The following ABI3BP variants were observed in gnomAD, a reference collection of about 807,000 sequenced individuals.
ABI3BP encodes the protein ABI family member 3 binding protein.
In ABI3BP, 216 loss-of-function variants were observed where a neutral mutation model predicts 268.6. The ratio of observed to expected loss-of-function variants is 0.80; its 90% confidence interval spans 0.72 to 0.90. The LOEUF is 0.90. Among genes scored for constraint, ABI3BP ranks in the 40% least tolerant of loss-of-function variants. The pLI is 0.00. For missense variants in ABI3BP, 2,090 were observed against 2,182.4 expected (o/e 0.96, Z 0.84); for synonymous variants, 730 against 730.0 (o/e 1.00, Z 0.00).
Position 100,789,469 on chromosome 3 carries a change from G to A in ABI3BP, c.4072C>T (p.Pro1358Ser). 1 of 1,601,406 alleles carries A rather than the reference G, an allele frequency of 6.2e-7. No homozygotes were observed. The highest frequency in any genetic ancestry group is 1.1e-5 in the South Asian group (1 of 88,602). ...AACAACTTACCAGGTCTGATGTGTGGCTTGTCAGATGTTCTGGGCCTCACA... is the reference window on the plus strand; with the variant it reads ...AACAACTTACCAGGTCTGATGTGTGACTTGTCAGATGTTCTGGGCCTCACA... Reference protein sequence around the residue: ...TTVRPRTSDKPHIRPVLNRTT... With the variant: ...TTVRPRTSDKSHIRPVLNRTT... Residue 1358 changes from proline to serine, a missense_variant, in exon 56 of 68, where the codon CCA (proline) becomes TCA (serine). Pro to Ser is a moderately conservative substitution (Grantham distance 74). Transcript: ENST00000471714.
rs748828528 is a variant in ABI3BP at position 100,804,800 on chromosome 3, G to T, written c.3749C>A (p.Thr1250Asn). 28 of 1,612,696 alleles carry T rather than the reference G, an allele frequency of 1.7e-5. No homozygotes were observed. The highest frequency in any genetic ancestry group is 2.7e-5 in the African/African-American group (2 of 74,864). The change falls in exon 51 of 68, where the codon ACC (threonine) becomes AAC (asparagine). Residue 1250 changes from threonine to asparagine, a missense_variant. Physicochemically the swap from Thr to Asn is moderately conservative, Grantham distance 65. Transcript: ENST00000471714. ...KTSPSPEVSY[T>N]TPAPKDVLLP... ...TGAAATAAAGCATTTACCAGGTGTG[G>T]TGTATGACACTTCTGGACTTGGTGA...
At chr3:100,796,602 G>T in intron 51 of ABI3BP, 134 bp from the exon 52 acceptor site, 2 of 556,380 alleles carry the variant, frequency 3.6e-6, no homozygotes, top group Non-Finnish European at 6.0e-6. Flanking sequence ...GACCAAAGTT[G>T]AGAAGATGCC....
At chr3:100,907,822 A>T (rs112522397) in intron 2 of ABI3BP, among the ~76,000 whole-genome samples, 11 of 152,304 alleles carry the variant, frequency 7.2e-5, no homozygotes, top group African/African-American at 2.6e-4. Context: ...TGTAACATAA[A>T]GGGAAAGAAA....
chr3:100,885,931 A>G (rs1378782562), intron 5 of ABI3BP, among the ~76,000 whole-genome samples: 1 of 152,032 alleles, frequency 6.6e-6, no homozygotes, highest in Non-Finnish European at 1.5e-5. Context: ...GGAGGCATCA[A>G]ATATTTATTA....
intron 9 of ABI3BP, among the ~76,000 whole-genome samples, chr3:100,869,185 T>C (rs1179467597): frequency 1.3e-5 from 2 of 152,036 alleles, no homozygotes; most frequent in Non-Finnish European, 2.9e-5. Flanking sequence ...TCAAAACATG[T>C]TCTTAGCTGG....
At position 100,841,998 on chromosome 3, in the gene ABI3BP, C is replaced by G. The variant is rs1408885321; in HGVS notation, c.1765G>C (p.Gly589Arg). The G allele has an allele frequency of 6.5e-7, 1 of 1,532,094 alleles. No individual in the cohort carries two copies. The highest frequency in any genetic ancestry group is 8.7e-7 in the Non-Finnish European group (1 of 1,143,708). 94.9% of individuals were successfully genotyped at this position (1,532,094 alleles called of 1,614,324 possible). A position where few individuals can be genotyped will look rare whatever the true frequency, so the allele number is the denominator to read the frequency against. ...QTLLPSQSTI[G>R]PETPGTKPST... The stretch of plus-strand genomic sequence containing the variant: ...CACTCATTAAAAAAAGCTTTATTAC[C>G]TATTGTTGACTGTGATGGCAGTAGA... Residue 589 changes from glycine (G) to arginine (R), a missense_variant and splice_region_variant, in exon 21 of 68, where the codon GGA becomes CGA. Coordinates refer to ENST00000471714, the MANE Select transcript of ABI3BP (RefSeq NM_001375547.2).
intron 4 of ABI3BP, among the ~76,000 whole-genome samples, chr3:100,895,976 G>A (rs1298425763): frequency 6.6e-6 from 1 of 152,058 alleles, no homozygotes; most frequent in African/African-American, 2.4e-5. Flanking sequence ...TGCTAATTAG[G>A]GAGAAAGGAA....
chr3:100,889,522 G>A (rs898264300), intron 4 of ABI3BP, among the ~76,000 whole-genome samples: 14 of 152,070 alleles, frequency 9.2e-5, no homozygotes, highest in African/African-American at 3.1e-4. Context: ...CTTGTCAAAC[G>A]TTAGTTGACC....
intron 51 of ABI3BP, among the ~76,000 whole-genome samples, chr3:100,801,899 T>C (rs2097546821): frequency 6.6e-6 from 1 of 152,198 alleles, no homozygotes; most frequent in Non-Finnish European, 1.5e-5. Context: ...TGTTAACTAT[T>C]GTTATCTTGG....
intron 1 of ABI3BP, among the ~76,000 whole-genome samples, chr3:100,937,366 T>G (rs576921140): frequency 7.1e-4 from 108 of 152,088 alleles, no homozygotes; most frequent in African/African-American, 2.5e-3. Flanking sequence ...TGCAAAAACT[T>G]GTGTGCAAAT....
chr3:100,814,328 T>C (rs963116940), intron 44 of ABI3BP, among the ~76,000 whole-genome samples: 1 of 152,118 alleles, frequency 6.6e-6, no homozygotes, highest in African/African-American at 2.4e-5. Flanking sequence ...ACAGTAATAT[T>C]AACAAAATGT....
At chr3:100,820,870 T>C (rs1248517790) in intron 39 of ABI3BP, among the ~76,000 whole-genome samples, 184 bp downstream of exon 39, 1 of 152,218 alleles carries the variant, frequency 6.6e-6, no homozygotes, top group African/African-American at 2.4e-5. Flanking sequence ...GCATGGCTCT[T>C]TTAAAAACAA....
chr3:100,777,778 A>G (rs879700189), intron 59 of ABI3BP, among the ~76,000 whole-genome samples: 22 of 152,304 alleles, frequency 1.4e-4, no homozygotes, highest in African/African-American at 4.8e-4. Context: ...ATACTCCTGT[A>G]CTGTTGCACA....
chr3:100,828,677 CGG>C (rs370944922), intron 33 of ABI3BP, among the ~76,000 whole-genome samples: 1 of 152,162 alleles, frequency 6.6e-6, no homozygotes, highest in African/African-American at 2.4e-5. Flanking sequence ...ATTCAGATAA[CGG>C]TCCATGTGAA....
chr3:100,948,759 C>A (rs2073657736), intron 1 of ABI3BP, among the ~76,000 whole-genome samples: 1 of 152,074 alleles, frequency 6.6e-6, no homozygotes, highest in Admixed American at 6.5e-5. Context: ...ATGTTTGGGA[C>A]CAGACATTTT....
intron 19 of ABI3BP, 72 bp from the exon 20 acceptor site, chr3:100,846,518 G>A: frequency 3.8e-6 from 4 of 1,065,090 alleles, no homozygotes; most frequent in South Asian, 1.5e-5. Flanking sequence ...AACACAGAAG[G>A]AAAACCTAGA....
At chr3:100,894,735 C>G (rs933841113) in intron 4 of ABI3BP, among the ~76,000 whole-genome samples, 1 of 151,710 alleles carries the variant, frequency 6.6e-6, no homozygotes, top group Non-Finnish European at 1.5e-5. Context: ...GTCAGGAGAT[C>G]AAGAACATCC....
intron 2 of ABI3BP, among the ~76,000 whole-genome samples, chr3:100,921,445 C>A (rs1409566365): frequency 6.6e-6 from 1 of 151,712 alleles, no homozygotes; most frequent in Non-Finnish European, 1.5e-5. Context: ...AAATTACTAG[C>A]AGCTGACCAT....
At chr3:100,892,295 T>TCA (rs1018686111) in intron 4 of ABI3BP, among the ~76,000 whole-genome samples, 20 of 151,950 alleles carry the variant, frequency 1.3e-4, no homozygotes, top group East Asian at 1.9e-4. Context: ...AGGAAAGGAA[T>TCA]CACACACACA....
Sources: allele counts gnomAD v4.1 joint callset (sites outside exome capture counted in the v4.1 genomes callset), GRCh38; gene constraint gnomAD v4.1.1; transcripts MANE v1.5; gene names NCBI Gene and HGNC (gene_info 2026-07-23, HGNC 2026-07-21).